The following HAUS8 variants were observed in gnomAD, a reference collection of about 807,000 sequenced individuals.
HAUS8 encodes HAUS augmin-like complex subunit 8.
A neutral mutation model predicts 42.9 loss-of-function variants in HAUS8; 38 were observed. That is an observed-to-expected ratio of 0.89 (90% CI 0.68 to 1.16). HAUS8 has a LOEUF of 1.16. Ranked by LOEUF, HAUS8 falls within the 50% of genes most tolerant of loss-of-function variation. The probability of loss-of-function intolerance (pLI) is 0.00; values close to 1 mark genes in which losing one functional copy is unlikely to be tolerated. For synonymous variants in HAUS8, 199 were observed against 205.8 expected (o/e 0.97, Z 0.28); for missense variants, 494 against 511.6 (o/e 0.97, Z 0.33).
rs114353820 is a variant in HAUS8 at position 17,072,652 on chromosome 19, T to G, written c.91+622A>C. Among the ~76,000 whole-genome samples the G allele has an allele frequency of 8.7e-3, 1,325 of 152,128 alleles. 23 individuals are homozygous for G. Among genetic ancestry groups the G allele is most frequent in the African/African-American group, 0.03 (1,241 of 41,492 alleles). On this transcript the variant is annotated intron_variant, in intron 2 of 10. Transcript: ENST00000253669. Reference sequence around the variant, plus strand: ...ACCGTGTCCAGCCACATTTCCTTTTTTTTTGTTTTGTTTTGAGACAGAGTC... The same window carrying G: ...ACCGTGTCCAGCCACATTTCCTTTTGTTTTGTTTTGTTTTGAGACAGAGTC...
chr19:17,058,937 C>T (rs1290893388), intron 6 of HAUS8, 61 bp from the exon 7 acceptor site: 1 of 1,408,696 alleles, frequency 7.1e-7, no homozygotes, highest in African/African-American at 1.4e-5. Flanking sequence ...CAGCTCTTTT[C>T]CCAGCAGGGG....
intron 9 of HAUS8, among the ~76,000 whole-genome samples, chr19:17,054,201 T>C (rs975889594): frequency 3.3e-5 from 5 of 152,082 alleles, no homozygotes; most frequent in Admixed American, 2.6e-4. Context: ...GGGAATATCT[T>C]TCTGTTGTTG....
chr19:17,072,305 A>C (rs1224541897), intron 2 of HAUS8, among the ~76,000 whole-genome samples: 1 of 143,240 alleles, frequency 7.0e-6, no homozygotes, highest in African/African-American at 2.6e-5. Flanking sequence ...CCAATGATGG[A>C]CTCTAGAATC....
intron 9 of HAUS8, among the ~76,000 whole-genome samples, chr19:17,055,626 T>C (rs970063580): frequency 2.0e-5 from 3 of 152,108 alleles, no homozygotes; most frequent in African/African-American, 7.2e-5. Context: ...CCCCGCAAAA[T>C]GCCTTTCGGC....
chr19:17,068,095 T>G (rs2057398076), intron 3 of HAUS8, among the ~76,000 whole-genome samples: 1 of 149,856 alleles, frequency 6.7e-6, no homozygotes, highest in Non-Finnish European at 1.5e-5. Flanking sequence ...TTTTTTATTT[T>G]ATTCTTTTTT....
rs139953098 is a variant in HAUS8 at position 17,068,034 on chromosome 19, G to T, written c.147+997C>A. On this transcript the variant is annotated intron_variant, in intron 3 of 10. Coordinates refer to ENST00000253669, the MANE Select transcript of HAUS8 (RefSeq NM_033417.2). ...GTTCACTAAACTCTTACTCCAATTC[G>T]GAGTGATCGAAGGATGTCATTTTTC... Among the ~76,000 whole-genome samples the T allele has an allele frequency of 6.0e-3, 917 of 151,648 alleles. 8 individuals are homozygous for T. The highest frequency in any genetic ancestry group is 0.011 in the Non-Finnish European group (742 of 67,924).
At chr19:17,051,402 G>A (rs188375755) in intron 10 of HAUS8, among the ~76,000 whole-genome samples, 169 of 151,932 alleles carry the variant, frequency 1.1e-3, no homozygotes, top group East Asian at 3.1e-3. Context: ...AAAAAAAAGC[G>A]GGGGGAGATC....
chr19:17,060,474 T>C (rs2057353815), intron 4 of HAUS8, among the ~76,000 whole-genome samples: 1 of 152,174 alleles, frequency 6.6e-6, no homozygotes, highest in Admixed American at 6.5e-5. Flanking sequence ...AATGGTGCAA[T>C]CTCGGCTCAC....
intron 4 of HAUS8, 62 bp from the exon 5 acceptor site, chr19:17,060,154 GA>G: frequency 8.5e-7 from 1 of 1,177,468 alleles, no homozygotes; most frequent in Non-Finnish European, 1.3e-6. Flanking sequence ...TTCAAGCCAG[GA>G]AACGCAGGCC....
At chr19:17,066,664 A>G (rs186661007) in intron 3 of HAUS8, among the ~76,000 whole-genome samples, 58 of 152,208 alleles carry the variant, frequency 3.8e-4, no homozygotes, top group African/African-American at 1.3e-3. Flanking sequence ...TGGTGGGGGA[A>G]CCCTCAGAAG....
At chr19:17,071,479 G>C (rs946352619) in intron 2 of HAUS8, among the ~76,000 whole-genome samples, 4 of 152,138 alleles carry the variant, frequency 2.6e-5, no homozygotes, top group Admixed American at 6.5e-5. Context: ...TGGGGTCCCA[G>C]GGACAACCAG....
chr19:17,075,525 C>A, upstream of HAUS8: 5 of 1,313,308 alleles, frequency 3.8e-6, no homozygotes, highest in Non-Finnish European at 5.4e-6. Context: ...GGAGGGGTGG[C>A]TGCGAGGCGT....
chr19:17,067,789 G>C (rs762888398), intron 3 of HAUS8, among the ~76,000 whole-genome samples: 24 of 152,202 alleles, frequency 1.6e-4, no homozygotes, highest in Admixed American at 6.5e-5. Flanking sequence ...CAGAGTGGAA[G>C]ACAGGCAGTG....
At position 17,055,998 on chromosome 19, in the gene HAUS8, T is replaced by G; in HGVS notation, c.650A>C (p.Glu217Ala). ...ELADVLDAQI[E>A]MLSPFEAVAT... The stretch of plus-strand genomic sequence containing the variant: ...CACTGCCTCGAAGGGGCTGAGCATC[T>G]CGATCTGTAAGCAGAAGGGATAATC... The change falls in exon 9 of 11, where the codon GAG becomes GCG. Residue 217 changes from glutamate to alanine, a missense_variant. Transcript: ENST00000253669. The G allele has an allele frequency of 6.2e-7, 1 of 1,614,084 alleles. No homozygotes were observed. The highest frequency in any genetic ancestry group is 8.5e-7 in the Non-Finnish European group (1 of 1,180,010).
intron 3 of HAUS8, among the ~76,000 whole-genome samples, 168 bp downstream of exon 3, chr19:17,068,861 TCA>T (rs1342156816): frequency 6.6e-6 from 1 of 152,108 alleles, no homozygotes; most frequent in East Asian, 1.9e-4. Flanking sequence ...GATGACAGAC[TCA>T]CAACTGGCAG....
chr19:17,056,315 G>A (rs1201778316), intron 8 of HAUS8, among the ~76,000 whole-genome samples: 1 of 152,146 alleles, frequency 6.6e-6, no homozygotes, highest in Non-Finnish European at 1.5e-5. Flanking sequence ...CCCCGGCATG[G>A]CCCACTCCCA....
chr19:17,073,227 T>C lies in HAUS8; in HGVS notation c.91+47A>G, dbSNP rs112067270. On this transcript the variant is annotated intron_variant, in intron 2 of 10. Coordinates refer to ENST00000253669, the MANE Select transcript of HAUS8 (RefSeq NM_033417.2). ...TTTTTCTTCCTCCAAAAGCACGTAA[T>C]GAAAGAAGAAAACCATGTTCCTTAA... The C allele has an allele frequency of 7.4e-4, 1,139 of 1,539,410 alleles. 4 individuals carry two copies. The African/African-American group carries it at 0.013, about 18-fold the overall frequency.
At chr19:17,069,474 G>A (rs2057408289) in intron 2 of HAUS8, among the ~76,000 whole-genome samples, 2 of 148,418 alleles carry the variant, frequency 1.3e-5, no homozygotes, top group South Asian at 2.2e-4. Flanking sequence ...CCCTTCCCCC[G>A]CCTGTGTGTC....
chr19:17,059,769 A>G (rs977962894), intron 5 of HAUS8, 118 bp from the exon 6 acceptor site: 15 of 725,848 alleles, frequency 2.1e-5, no homozygotes, highest in Non-Finnish European at 3.5e-5. Context: ...ATTGAGGAGT[A>G]TATGGACTTA....
Sources: allele counts gnomAD v4.1 joint callset (sites outside exome capture counted in the v4.1 genomes callset), GRCh38; gene constraint gnomAD v4.1.1; transcripts MANE v1.5; gene names NCBI Gene and HGNC (gene_info 2026-07-23, HGNC 2026-07-21).